Variants in SLC25A21 observed in about 807,000 individuals in gnomAD.
SLC25A21 encodes mitochondrial 2-oxodicarboxylate carrier.
In SLC25A21, 47 loss-of-function variants were observed where a neutral mutation model predicts 43.8. The ratio of observed to expected loss-of-function variants is 1.07; its 90% CI spans 0.85 to 1.37. SLC25A21 has a LOEUF of 1.37. SLC25A21 is among the 40% of genes most tolerant of loss of function. The pLI is 0.00. For synonymous variants in SLC25A21, 131 were observed against 121.3 expected (o/e 1.08, Z -0.52); for missense variants, 352 against 350.2 (o/e 1.00, Z -0.04).
intron 5 of SLC25A21, among the ~76,000 whole-genome samples, chr14:36,727,084 A>G (rs2139215528): frequency 6.6e-6 from 1 of 152,280 alleles, no homozygotes; most frequent in East Asian, 1.9e-4. Flanking sequence ...GCATAGACAA[A>G]GGTGCCCAAC....
chr14:36,818,437 A>G (rs1026743637), intron 2 of SLC25A21, among the ~76,000 whole-genome samples: 1 of 152,170 alleles, frequency 6.6e-6, no homozygotes, highest in Non-Finnish European at 1.5e-5. Flanking sequence ...CAGAGTCCAT[A>G]AACTGTGTTG....
chr14:37,113,235 T>C (rs1158530811), intron 1 of SLC25A21, among the ~76,000 whole-genome samples: 5 of 152,122 alleles, frequency 3.3e-5, no homozygotes, highest in South Asian at 2.1e-4. Flanking sequence ...ACACAGAACT[T>C]AAAAAAACAC....
intron 1 of SLC25A21, among the ~76,000 whole-genome samples, chr14:36,902,326 C>G (rs1489498904): frequency 6.6e-6 from 1 of 152,124 alleles, no homozygotes; most frequent in Admixed American, 6.5e-5. Flanking sequence ...GTCCAGCCAT[C>G]CCAGTGATTA....
chr14:36,710,057 T>A (rs1214715533), intron 7 of SLC25A21, among the ~76,000 whole-genome samples: 1 of 152,166 alleles, frequency 6.6e-6, no homozygotes, highest in African/African-American at 2.4e-5. Flanking sequence ...TAAGTTACCA[T>A]TAAAAAACGT....
intron 7 of SLC25A21, among the ~76,000 whole-genome samples, chr14:36,695,100 G>A (rs1882958180): frequency 6.6e-6 from 1 of 152,330 alleles, no homozygotes; most frequent in East Asian, 1.9e-4. Flanking sequence ...GTATAAGGAA[G>A]GGATCCAGTT....
chr14:36,871,000 C>T (rs1458641622), intron 2 of SLC25A21: 4 of 152,174 alleles, frequency 2.6e-5, no homozygotes, highest in Non-Finnish European at 4.4e-5. Context: ...GCTCTAACCA[C>T]CAGGGTGAGA....
At chr14:37,092,189 A>T (rs1962599804) in intron 1 of SLC25A21, among the ~76,000 whole-genome samples, 1 of 152,164 alleles carries the variant, frequency 6.6e-6, no homozygotes, top group Non-Finnish European at 1.5e-5. Flanking sequence ...TTCAGAAGCT[A>T]ACTATAAAGT....
At chr14:36,754,735 GA>G (rs11415759) in intron 3 of SLC25A21, among the ~76,000 whole-genome samples, 5 of 150,152 alleles carry the variant, frequency 3.3e-5, no homozygotes, top group Non-Finnish European at 5.9e-5. Context: ...GCCCAAAAGA[GA>G]AAAAAAAAGA....
chr14:36,704,857 A>T (rs1419590739), intron 7 of SLC25A21, among the ~76,000 whole-genome samples: 1 of 152,124 alleles, frequency 6.6e-6, no homozygotes, highest in Non-Finnish European at 1.5e-5. Flanking sequence ...CTTATCTGAA[A>T]ATGGCAGTTA....
At chr14:37,085,787 G>A (rs1962472345) in intron 1 of SLC25A21, among the ~76,000 whole-genome samples, 1 of 152,138 alleles carries the variant, frequency 6.6e-6, no homozygotes, top group East Asian at 1.9e-4. Flanking sequence ...GCTGGACTTT[G>A]TTAAGTAGAC....
intron 1 of SLC25A21, among the ~76,000 whole-genome samples, chr14:37,105,468 G>A (rs556767496): frequency 2.0e-4 from 30 of 152,258 alleles, no homozygotes; most frequent in Non-Finnish European, 3.4e-4. Context: ...ATGGGGGTGT[G>A]GGCCTTTTTT....
At chr14:37,114,674 CT>C (rs1015517895) in intron 1 of SLC25A21, among the ~76,000 whole-genome samples, 2 of 151,816 alleles carry the variant, frequency 1.3e-5, no homozygotes, top group Non-Finnish European at 2.9e-5. Context: ...GTGAGACAAC[CT>C]TTTTTTTGCT....
Position 36,740,240 on chromosome 14 carries a change from G to A in SLC25A21, c.204-5667C>T, listed in dbSNP as rs558169285. 1.2e-4 allele frequency among the ~76,000 whole-genome samples: 19 copies of A among 152,298 alleles called. No homozygotes were observed. In the South Asian group the frequency reaches 3.9e-3, roughly 32 times the overall value. Reference sequence around the variant, plus strand: ...TATTGTTAAGAAATGGTCTCAGATTGTTTATGCTGGGGAGCCCATCACACA... The same window carrying A: ...TATTGTTAAGAAATGGTCTCAGATTATTTATGCTGGGGAGCCCATCACACA... On this transcript the variant is annotated intron_variant, in intron 3 of 9. Transcript: ENST00000331299.
chr14:36,885,057 T>C (rs995858780), intron 1 of SLC25A21, among the ~76,000 whole-genome samples: 1 of 152,214 alleles, frequency 6.6e-6, no homozygotes, highest in African/African-American at 2.4e-5. Flanking sequence ...CAGACAGATG[T>C]CATGTCTATG....
At chr14:37,041,081 A>G (rs1309518348) in intron 1 of SLC25A21, among the ~76,000 whole-genome samples, 1 of 152,128 alleles carries the variant, frequency 6.6e-6, no homozygotes, top group Non-Finnish European at 1.5e-5. Context: ...AGAGAGTGAA[A>G]AAGAATAAAA....
intron 1 of SLC25A21, among the ~76,000 whole-genome samples, chr14:37,033,149 G>A (rs4328351): frequency 0.47 from 71,310 of 151,878 alleles, 19,141 homozygotes; most frequent in African/African-American, 0.75. Context: ...CCAGCCCCTG[G>A]CAACCACCAT....
intron 2 of SLC25A21, among the ~76,000 whole-genome samples, chr14:36,819,973 G>A (rs552308362): frequency 6.6e-6 from 1 of 152,258 alleles, no homozygotes; most frequent in East Asian, 1.9e-4. Flanking sequence ...GTAGATGATA[G>A]GATTTGTCCT....
At chr14:36,908,848 G>A (rs543838006) in intron 1 of SLC25A21, among the ~76,000 whole-genome samples, 1 of 152,080 alleles carries the variant, frequency 6.6e-6, no homozygotes, top group Non-Finnish European at 1.5e-5. Flanking sequence ...TACCCCCAAG[G>A]AAGATGAGAA....
chr14:36,841,095 T>C (rs1163008989), intron 2 of SLC25A21, among the ~76,000 whole-genome samples: 7 of 152,046 alleles, frequency 4.6e-5, no homozygotes, highest in Non-Finnish European at 7.4e-5. Flanking sequence ...CAGATAGCCT[T>C]GAGTTTCTTG....
Sources: allele counts gnomAD v4.1 joint callset (sites outside exome capture counted in the v4.1 genomes callset), GRCh38; gene constraint gnomAD v4.1.1; transcripts MANE v1.5; gene names NCBI Gene and HGNC (gene_info 2026-07-23, HGNC 2026-07-21).